MARCHF10: variants seen among roughly 807,000 people sequenced by gnomAD.
MARCHF10 encodes membrane associated ring-CH-type finger 10, also known as probable E3 ubiquitin-protein ligase MARCHF10.
In MARCHF10, 64 loss-of-function variants were observed where a neutral mutation model predicts 76.2. That is an observed-to-expected ratio of 0.84 (90% CI 0.69 to 1.03). The LOEUF (loss-of-function observed/expected upper bound fraction) is 1.03, where lower values mean the gene tolerates loss of function less well. Among genes scored for constraint, MARCHF10 ranks in the 50% least tolerant of loss-of-function variants. The probability of loss-of-function intolerance (pLI) is 0.00; values close to 1 mark genes in which losing one functional copy is unlikely to be tolerated. For missense variants in MARCHF10, 875 were observed against 958.0 expected (o/e 0.91, Z 1.14); for synonymous variants, 340 against 357.5 (o/e 0.95, Z 0.55).
intron 8 of MARCHF10, among the ~76,000 whole-genome samples, chr17:62,721,536 T>C (rs1481678595): frequency 6.6e-6 from 1 of 152,104 alleles, no homozygotes; most frequent in African/African-American, 2.4e-5. Flanking sequence ...CCAACAAAAG[T>C]GGCAAAACTG....
chr17:62,756,070 G>A (rs2092031373), intron 4 of MARCHF10, among the ~76,000 whole-genome samples: 1 of 152,204 alleles, frequency 6.6e-6, no homozygotes, highest in Admixed American at 6.5e-5. Flanking sequence ...CCAACATGGA[G>A]AAACCCTGTC....
At chr17:62,707,516 T>C (rs566878709) in intron 9 of MARCHF10, 83 of 152,272 alleles carry the variant, frequency 5.5e-4, no homozygotes, top group African/African-American at 2.0e-3. Flanking sequence ...CCCAAAGAAG[T>C]GGGAACACTG....
At chr17:62,758,592 A>C (rs2147942191) in intron 4 of MARCHF10, among the ~76,000 whole-genome samples, 1 of 152,330 alleles carries the variant, frequency 6.6e-6, no homozygotes, top group South Asian at 2.1e-4. Flanking sequence ...AATAAGAAGC[A>C]AGAGCTGGGG....
chr17:62,725,710 C>G (rs1281965611), intron 6 of MARCHF10, among the ~76,000 whole-genome samples: 1 of 152,230 alleles, frequency 6.6e-6, no homozygotes, highest in African/African-American at 2.4e-5. Context: ...CCAGGAGCCC[C>G]TCTCCCTGCC....
chr17:62,720,013 C>A (rs186746383), intron 8 of MARCHF10, among the ~76,000 whole-genome samples: 197 of 152,312 alleles, frequency 1.3e-3, no homozygotes, highest in African/African-American at 4.4e-3. Context: ...TCACCTCTAT[C>A]ATTTCTTTTT....
At chr17:62,782,796 C>G (rs1202113363) in intron 3 of MARCHF10, among the ~76,000 whole-genome samples, 2 of 152,042 alleles carry the variant, frequency 1.3e-5, no homozygotes, top group African/African-American at 4.8e-5. Context: ...AAGCAAAACC[C>G]AAAGGATTGA....
chr17:62,749,801 T>C (rs2091833400), intron 4 of MARCHF10, among the ~76,000 whole-genome samples: 1 of 152,216 alleles, frequency 6.6e-6, no homozygotes. Flanking sequence ...GGGTTTTGGT[T>C]CCAGTGTGTG....
intron 4 of MARCHF10, chr17:62,746,745 A>T: frequency 1.4e-6 from 1 of 738,164 alleles, no homozygotes; most frequent in Non-Finnish European, 2.2e-6. Context: ...GGTCCTGAGG[A>T]TAAGAATTTC....
At chr17:62,743,193 G>C (rs2091577704) in intron 5 of MARCHF10, among the ~76,000 whole-genome samples, 1 of 152,204 alleles carries the variant, frequency 6.6e-6, no homozygotes. Flanking sequence ...GGAGCTGAAG[G>C]CTGCCTTAAA....
chr17:62,762,835 C>T (rs2092242505), intron 3 of MARCHF10, among the ~76,000 whole-genome samples: 1 of 152,240 alleles, frequency 6.6e-6, no homozygotes, highest in Non-Finnish European at 1.5e-5. Context: ...CGTAAGCCAC[C>T]ACGCCCGGCC....
chr17:62,785,595 C>T (rs1363252701), intron 3 of MARCHF10, among the ~76,000 whole-genome samples: 3 of 152,194 alleles, frequency 2.0e-5, no homozygotes, highest in Admixed American at 2.0e-4. Context: ...AGGCAACCTA[C>T]AGAATGGGAG....
At chr17:62,792,769 T>TCAC (rs2092877876) in intron 2 of MARCHF10, among the ~76,000 whole-genome samples, 4 of 56,326 alleles carry the variant, frequency 7.1e-5, no homozygotes, top group African/African-American at 2.8e-4. Context: ...ACCACCTCCA[T>TCAC]CACTACCACC....
In MARCHF10 at chr17:62,767,450, C is replaced by CCTTTTTTTTTTTTT. The variant is rs67106553; in HGVS notation, c.211-7445_211-7444insAAAAAAAAAAAAAG. On this transcript the variant is annotated intron_variant, in intron 3 of 10. Transcript: ENST00000311269. Reference sequence around the variant, plus strand: ...AGCTTTGAATTGGTGGGTCTGTATTCTTTTTTTTTTTTTTTTTTGAGATGG... The same window carrying CCTTTTTTTTTTTTT: ...AGCTTTGAATTGGTGGGTCTGTATTCCTTTTTTTTTTTTTTTTTTTTTTTTTTTTTTTGAGATGG... 3.0e-5 allele frequency among the ~76,000 whole-genome samples: 4 copies of CCTTTTTTTTTTTTT among 134,790 alleles called. 2 individuals are homozygous for CCTTTTTTTTTTTTT. The allele number at this position is 134,790 out of a possible 152,430, so 88.4% of individuals were successfully genotyped here. A position where few individuals can be genotyped will look rare whatever the true frequency, so the allele number is the denominator to read the frequency against.
At chr17:62,790,322 T>A (rs1473893170) in intron 2 of MARCHF10, among the ~76,000 whole-genome samples, 1 of 151,902 alleles carries the variant, frequency 6.6e-6, no homozygotes, top group Non-Finnish European at 1.5e-5. Flanking sequence ...GTTACAGGAG[T>A]GTGCCACCAC....
intron 3 of MARCHF10, among the ~76,000 whole-genome samples, chr17:62,767,450 CTTT>C (rs1555707309): frequency 7.4e-6 from 1 of 134,788 alleles, no homozygotes; most frequent in African/African-American, 2.7e-5. Flanking sequence ...GGTCTGTATT[CTTT>C]TTTTTTTTTT....
intron 2 of MARCHF10, among the ~76,000 whole-genome samples, chr17:62,795,995 C>A (rs1183770301): frequency 6.6e-6 from 1 of 151,710 alleles, no homozygotes; most frequent in Non-Finnish European, 1.5e-5. Context: ...TCACTAACGT[C>A]ATGCAATTGA....
At chr17:62,793,975 TTCCATCACCACCACCACCACC>T (rs2092938186) in intron 2 of MARCHF10, among the ~76,000 whole-genome samples, 1 of 86,114 alleles carries the variant, frequency 1.2e-5, no homozygotes, top group African/African-American at 4.7e-5. Context: ...CCACCACCAC[TTCCATCACCACCACCACCACC>T]TCCATCATGA....
At chr17:62,765,888 C>A (rs2092317707) in intron 3 of MARCHF10, among the ~76,000 whole-genome samples, 1 of 152,062 alleles carries the variant, frequency 6.6e-6, no homozygotes, top group South Asian at 2.1e-4. Flanking sequence ...AGTATGTGGC[C>A]AGGAAATTGA....
intron 3 of MARCHF10, among the ~76,000 whole-genome samples, chr17:62,776,123 G>GT (rs1272233609): frequency 1.3e-5 from 2 of 152,138 alleles, no homozygotes; most frequent in African/African-American, 4.8e-5. Flanking sequence ...AAGTACTGTG[G>GT]TTTTAAAAAC....
Sources: gnomAD v4.1 joint callset for allele counts (sites outside exome capture counted in the v4.1 genomes callset) on GRCh38, gnomAD v4.1.1 for gene constraint, MANE v1.5 for transcripts, NCBI Gene and HGNC (gene_info 2026-07-23, HGNC 2026-07-21) for gene names.